COL11A1: variants seen among roughly 807,000 people sequenced by gnomAD.
The protein encoded by COL11A1 is collagen alpha-1(XI) chain.
COL11A1 carries 74 observed loss-of-function variants against 265.2 expected under a neutral mutation model. The ratio of observed to expected loss-of-function variants is 0.28; its 90% CI spans 0.23 to 0.34. The LOEUF (loss-of-function observed/expected upper bound fraction) is 0.34, where lower values mean the gene tolerates loss of function less well. COL11A1 is among the 10% of genes least tolerant of loss of function. The probability of loss-of-function intolerance (pLI) is 1.00; values close to 1 mark genes in which losing one functional copy is unlikely to be tolerated. For missense variants in COL11A1, 2,165 were observed against 2,263.6 expected (o/e 0.96, Z 0.88); for synonymous variants, 816 against 727.6 (o/e 1.12, Z -1.96).
intron 18 of COL11A1, among the ~76,000 whole-genome samples, chr1:103,005,218 C>G (rs761268641): frequency 8.6e-5 from 13 of 151,950 alleles, no homozygotes; most frequent in Non-Finnish European, 1.8e-4. Context: ...TTACTTAAAG[C>G]TTATCTTATT....
intron 4 of COL11A1, among the ~76,000 whole-genome samples, chr1:103,074,201 AT>A (rs1180950541): frequency 3.9e-5 from 6 of 152,078 alleles, no homozygotes; most frequent in Admixed American, 3.9e-4. Flanking sequence ...TATGATCTCT[AT>A]TTTACCTTAA....
intron 30 of COL11A1, 51 bp from the exon 31 acceptor site, chr1:102,984,242 C>CTTAAATAATGATTTCAATTTTTT (rs1663320082): frequency 8.3e-7 from 1 of 1,199,642 alleles, no homozygotes; most frequent in Non-Finnish European, 1.2e-6. Flanking sequence ...TTGAATTAAG[C>CTTAAATAATGATTTCAATTTTTT]TTAAATAATG....
chr1:103,016,367 A>G (rs1374350994), intron 11 of COL11A1, among the ~76,000 whole-genome samples: 1 of 151,972 alleles, frequency 6.6e-6, no homozygotes, highest in Admixed American at 6.6e-5. Context: ...GCATGCATAC[A>G]TACATGTACA....
intron 12 of COL11A1, 28 bp from the exon 13 acceptor site, chr1:103,014,622 A>G (rs1315770286): frequency 1.3e-6 from 2 of 1,584,530 alleles, no homozygotes; most frequent in Non-Finnish European, 1.7e-6. Context: ...TAAGAAATTC[A>G]AAATTAGCTT....
intron 5 of COL11A1, among the ~76,000 whole-genome samples, chr1:103,028,146 T>C (rs995980959): frequency 1.3e-5 from 2 of 152,144 alleles, no homozygotes; most frequent in Admixed American, 6.5e-5. Context: ...TTCTCTTGCT[T>C]CAGCCTCCTG....
At chr1:102,893,916 C>T (rs1210663865) in intron 57 of COL11A1, among the ~76,000 whole-genome samples, 1 of 152,002 alleles carries the variant, frequency 6.6e-6, no homozygotes, top group East Asian at 1.9e-4. Flanking sequence ...ATTCAGTATC[C>T]CATCCTATCT....
intron 2 of COL11A1, among the ~76,000 whole-genome samples, chr1:103,081,838 A>G (rs1672438168): frequency 6.6e-6 from 1 of 151,986 alleles, no homozygotes; most frequent in African/African-American, 2.4e-5. Flanking sequence ...GATGACATAT[A>G]AAATATATAG....
intron 53 of COL11A1, among the ~76,000 whole-genome samples, chr1:102,912,439 CA>C (rs1356546894): frequency 1.3e-5 from 2 of 152,116 alleles, no homozygotes; most frequent in African/African-American, 4.8e-5. Flanking sequence ...CAAAGTGAAT[CA>C]AATTCTCTTT....
chr1:102,953,138 G>A lies in COL11A1; in HGVS notation c.3169-6182C>T, dbSNP rs189549447. Among the ~76,000 whole-genome samples, 621 of 152,234 alleles carry A rather than the reference G, an allele frequency of 4.1e-3. 4 individuals carry two copies. Among genetic ancestry groups the A allele is most frequent in the African/African-American group, 0.014 (594 of 41,528 alleles). On this transcript the variant is annotated intron_variant, in intron 41 of 66. Coordinates refer to ENST00000370096, the MANE Select transcript of COL11A1 (RefSeq NM_001854.4). ...TGCTGTATAGCTGGCTAAAGAACAAGGGACTTTATAATTGTCAGATAAATA... is the reference window on the plus strand; with the variant it reads ...TGCTGTATAGCTGGCTAAAGAACAAAGGACTTTATAATTGTCAGATAAATA...
intron 13 of COL11A1, among the ~76,000 whole-genome samples, chr1:103,013,360 T>G (rs564666149): frequency 7.2e-5 from 11 of 151,906 alleles, no homozygotes; most frequent in Non-Finnish European, 1.5e-4. Flanking sequence ...TTGCTACCTA[T>G]TTTTCAAGTA....
At chr1:102,918,604 CA>C (rs1553202331) in intron 49 of COL11A1, among the ~76,000 whole-genome samples, 1 of 119,656 alleles carries the variant, frequency 8.4e-6, no homozygotes, top group African/African-American at 2.8e-5. Flanking sequence ...AACAAACAAA[CA>C]AAAAAATGAA....
intron 4 of COL11A1, among the ~76,000 whole-genome samples, chr1:103,044,211 CT>C (rs1669065192): frequency 7.5e-6 from 1 of 133,608 alleles, no homozygotes; most frequent in African/African-American, 2.8e-5. Context: ...ATTTTTTTTT[CT>C]CAACTGTTTT....
chr1:102,942,241 T>C (rs1436919624), intron 42 of COL11A1, among the ~76,000 whole-genome samples: 2 of 152,156 alleles, frequency 1.3e-5, no homozygotes, highest in Non-Finnish European at 2.9e-5. Context: ...CTTGCTAGCC[T>C]TAAACTCTAA....
chr1:103,006,060 C>T lies in COL11A1; in HGVS notation c.1791+8G>A, dbSNP rs1665577202. 1 of 1,613,800 alleles carries T rather than the reference C, an allele frequency of 6.2e-7. No homozygotes were observed. Among genetic ancestry groups the T allele is most frequent in the Non-Finnish European group, 8.5e-7 (1 of 1,179,890 alleles). On this transcript the variant is annotated splice_region_variant and intron_variant, in intron 17 of 66. Coordinates refer to ENST00000370096, the MANE Select transcript of COL11A1 (RefSeq NM_001854.4). ...GGATGTGAATATAAAAATATGTGAG[C>T]TCCTGACCTTTGCCCCAGGTTCTCC...
chr1:103,063,767 A>G (rs991892801), intron 4 of COL11A1, among the ~76,000 whole-genome samples: 6 of 152,186 alleles, frequency 3.9e-5, no homozygotes, highest in African/African-American at 1.4e-4. Context: ...GAGAATCAGA[A>G]AATACACCAC....
At chr1:102,980,616 G>A (rs1291922150) in intron 31 of COL11A1, among the ~76,000 whole-genome samples, 1 of 145,480 alleles carries the variant, frequency 6.9e-6, no homozygotes, top group Non-Finnish European at 1.5e-5. Flanking sequence ...TATATTAAGG[G>A]AAATATAACA....
At chr1:103,037,334 A>G (rs969919549) in intron 4 of COL11A1, among the ~76,000 whole-genome samples, 2 of 151,388 alleles carry the variant, frequency 1.3e-5, no homozygotes, top group Non-Finnish European at 1.5e-5. Flanking sequence ...TATTGGTCTA[A>G]TGTCTTAAGG....
chr1:102,995,132 C>A (rs1275613842), intron 28 of COL11A1, among the ~76,000 whole-genome samples: 1 of 152,044 alleles, frequency 6.6e-6, no homozygotes, highest in Non-Finnish European at 1.5e-5. Context: ...TTTGGGTGGG[C>A]ATACAGCTAA....
At chr1:102,970,795 C>T (rs1661894993) in intron 36 of COL11A1, among the ~76,000 whole-genome samples, 1 of 152,024 alleles carries the variant, frequency 6.6e-6, no homozygotes, top group Non-Finnish European at 1.5e-5. Flanking sequence ...GCGGGAGGAT[C>T]AAGAGGTCAG....
Sources: gnomAD v4.1 joint callset for allele counts (sites outside exome capture counted in the v4.1 genomes callset) on GRCh38, gnomAD v4.1.1 for gene constraint, MANE v1.5 for transcripts, NCBI Gene and HGNC (gene_info 2026-07-23, HGNC 2026-07-21) for gene names.